Variants in TULP4 observed in about 807,000 individuals in gnomAD.
TULP4 encodes tubby-related protein 4.
Under a neutral mutation model 129.0 loss-of-function variants are expected in TULP4, and 16 were observed. That is an observed-to-expected ratio of 0.12 (90% confidence interval 0.08 to 0.19). The LOEUF (loss-of-function observed/expected upper bound fraction) is 0.19, where lower values mean the gene tolerates loss of function less well. TULP4 is among the 10% of genes least tolerant of loss of function. The probability of loss-of-function intolerance (pLI) is 1.00; values close to 1 mark genes in which losing one functional copy is unlikely to be tolerated. For synonymous variants in TULP4, 998 were observed against 854.0 expected (o/e 1.17, Z -2.94); for missense variants, 1,842 against 2,059.1 (o/e 0.89, Z 2.04).
intron 1 of TULP4, among the ~76,000 whole-genome samples, chr6:158,246,023 G>GGTGGGTGTGTGTGTGTGT (rs1554273657): frequency 6.9e-6 from 1 of 145,822 alleles, no homozygotes; most frequent in African/African-American, 2.6e-5. Flanking sequence ...ACCCCTTAGG[G>GGTGGGTGTGTGTGTGTGT]GTGTGTGTGT....
chr6:158,411,322 G>A (rs1356184457), intron 1 of TULP4, among the ~76,000 whole-genome samples: 1 of 152,092 alleles, frequency 6.6e-6, no homozygotes, highest in Non-Finnish European at 1.5e-5. Context: ...CAGACCTGTG[G>A]GGGGTGGGTG....
chr6:158,403,464 C>T (rs1368275422), intron 1 of TULP4, among the ~76,000 whole-genome samples: 3 of 152,132 alleles, frequency 2.0e-5, no homozygotes, highest in Admixed American at 1.3e-4. Flanking sequence ...CTTAGCGTCC[C>T]GAGTAGCTGG....
chr6:158,247,485 TTA>T (rs1217161977), intron 1 of TULP4, among the ~76,000 whole-genome samples: 1 of 152,234 alleles, frequency 6.6e-6, no homozygotes, highest in Admixed American at 6.5e-5. Flanking sequence ...TACTTAAATG[TTA>T]TAGAGTGTTG....
chr6:158,299,165 C>A (rs1051536829), intron 1 of TULP4, among the ~76,000 whole-genome samples: 1 of 152,084 alleles, frequency 6.6e-6, no homozygotes, highest in Non-Finnish European at 1.5e-5. Context: ...CCCTTATCTT[C>A]CTGTTTTAAG....
At chr6:158,372,475 C>T (rs1777095762) in intron 1 of TULP4, among the ~76,000 whole-genome samples, 1 of 151,794 alleles carries the variant, frequency 6.6e-6, no homozygotes, top group African/African-American at 2.4e-5. Context: ...TCAGTGCTTT[C>T]CTAAAAGTGC....
chr6:158,266,141 A>G (rs554695973), intron 1 of TULP4, among the ~76,000 whole-genome samples: 3 of 152,230 alleles, frequency 2.0e-5, no homozygotes, highest in Non-Finnish European at 4.4e-5. Context: ...AAAAAGTTCT[A>G]AGCAACATTT....
intron 3 of TULP4, among the ~76,000 whole-genome samples, chr6:158,439,063 CAG>C (rs1319115245): frequency 6.6e-6 from 1 of 151,784 alleles, no homozygotes; most frequent in Non-Finnish European, 1.5e-5. Context: ...CCCAGCTACT[CAG>C]GAGGCTGAGG....
chr6:158,450,884 G>A (rs1421600736), intron 4 of TULP4, among the ~76,000 whole-genome samples: 1 of 151,848 alleles, frequency 6.6e-6, no homozygotes, highest in African/African-American at 2.4e-5. Context: ...CTGAAATCCC[G>A]TCTCTACTAA....
intron 1 of TULP4, among the ~76,000 whole-genome samples, chr6:158,337,409 G>A (rs538441421): frequency 7.2e-5 from 11 of 152,128 alleles, no homozygotes; most frequent in African/African-American, 2.7e-4. Flanking sequence ...GGGATTACAG[G>A]CATGAGCCAC....
rs368360126 is a variant in TULP4 at position 158,489,544 on chromosome 6, T to C, written c.1487-44T>C. The stretch of plus-strand genomic sequence containing the variant: ...AGTAATGATCATTGGTAGGGGCTAA[T>C]TGATATAACTTCCCTTGAAATCTGC... On this transcript the variant is annotated intron_variant, in intron 8 of 13. Transcript: ENST00000367097. 1.9e-5 allele frequency: 30 copies of C among 1,611,860 alleles called. No individual in the cohort carries two copies. In the African/African-American group the frequency reaches 2.3e-4, roughly 12 times the overall value.
intron 1 of TULP4, among the ~76,000 whole-genome samples, chr6:158,389,105 T>TG (rs1428073456): frequency 6.6e-6 from 1 of 152,272 alleles, no homozygotes; most frequent in Non-Finnish European, 1.5e-5. Flanking sequence ...GCCAGGTATA[T>TG]GTTTTTGCTT....
intron 1 of TULP4, among the ~76,000 whole-genome samples, chr6:158,277,020 G>C (rs1259572301): frequency 6.6e-6 from 1 of 152,014 alleles, no homozygotes. Context: ...GCTCACTGCA[G>C]CCTCAACTTC....
chr6:158,382,181 A>C (rs992943329), intron 1 of TULP4, among the ~76,000 whole-genome samples: 2 of 152,162 alleles, frequency 1.3e-5, no homozygotes, highest in African/African-American at 4.8e-5. Context: ...ACCTTAAGAA[A>C]CAGATTTCTG....
chr6:158,451,219 G>T (rs536105469), intron 4 of TULP4, among the ~76,000 whole-genome samples: 8 of 152,308 alleles, frequency 5.3e-5, no homozygotes, highest in South Asian at 2.1e-4. Context: ...AAGCAGGGGG[G>T]GCAGTTTAGA....
intron 1 of TULP4, among the ~76,000 whole-genome samples, chr6:158,306,859 A>C (rs780622335): frequency 1.1e-4 from 17 of 152,114 alleles, no homozygotes; most frequent in Non-Finnish European, 2.2e-4. Context: ...GTCTCTACAC[A>C]CAATACAAAA....
chr6:158,379,630 G>C (rs1777278595), intron 1 of TULP4, among the ~76,000 whole-genome samples: 1 of 152,100 alleles, frequency 6.6e-6, no homozygotes, highest in South Asian at 2.1e-4. Flanking sequence ...TCAGTGCTTG[G>C]GAGTATTCAA....
intron 1 of TULP4, chr6:158,242,616 G>A: frequency 1.4e-6 from 1 of 706,980 alleles, no homozygotes; most frequent in South Asian, 1.5e-5. Context: ...TTTGGTGCAA[G>A]TATTGATGAC....
intron 2 of TULP4, among the ~76,000 whole-genome samples, chr6:158,415,736 A>G (rs1000122442): frequency 6.6e-5 from 10 of 151,444 alleles, no homozygotes; most frequent in African/African-American, 2.4e-4. Context: ...TGAAGAAGGC[A>G]TTGTTATCAT....
intron 1 of TULP4, among the ~76,000 whole-genome samples, chr6:158,260,575 C>CAAAAA (rs71729689): frequency 8.6e-6 from 1 of 116,636 alleles, no homozygotes; most frequent in Admixed American, 8.8e-5. Context: ...GACTCTGTCT[C>CAAAAA]AAAAAAAAAA....
Sources: allele counts gnomAD v4.1 joint callset (sites outside exome capture counted in the v4.1 genomes callset), GRCh38; gene constraint gnomAD v4.1.1; transcripts MANE v1.5; gene names NCBI Gene and HGNC (gene_info 2026-07-23, HGNC 2026-07-21).